Variants in AFAP1 observed in about 807,000 individuals in gnomAD.
The protein encoded by AFAP1 is actin filament associated protein 1.
Under a neutral mutation model 93.9 loss-of-function variants are expected in AFAP1, and 75 were observed. The observed-to-expected ratio is 0.80, with a 90% CI of 0.66 to 0.97. The LOEUF is 0.97. Among genes scored for constraint, AFAP1 ranks in the 50% least tolerant of loss-of-function variants. The pLI is 0.00. For synonymous variants in AFAP1, 517 were observed against 430.7 expected, an observed-to-expected ratio of 1.20 and a Z score of -2.48; for missense variants, 1,201 against 1,050.8, an observed-to-expected ratio of 1.14 and a Z score of -1.98.
chr4:7,867,406 G>A (rs1355617255), intron 3 of AFAP1, among the ~76,000 whole-genome samples: 3 of 152,156 alleles, frequency 2.0e-5, no homozygotes, highest in African/African-American at 4.8e-5. Context: ...GCGCGGGGGC[G>A]GGAAGCAGGC....
chr4:7,831,314 A>C (rs1353808541), intron 6 of AFAP1, among the ~76,000 whole-genome samples: 1 of 152,088 alleles, frequency 6.6e-6, no homozygotes, highest in Non-Finnish European at 1.5e-5. Flanking sequence ...AAATAGAGTA[A>C]CTGAACAATT....
At chr4:7,795,991 G>T (rs1361471593) in intron 10 of AFAP1, among the ~76,000 whole-genome samples, 1 of 152,092 alleles carries the variant, frequency 6.6e-6, no homozygotes, top group Non-Finnish European at 1.5e-5. Context: ...GTGCATATAT[G>T]TATGTATGCA....
chr4:7,888,799 G>C (rs1268283955), intron 1 of AFAP1, among the ~76,000 whole-genome samples: 2 of 151,828 alleles, frequency 1.3e-5, no homozygotes, highest in African/African-American at 4.8e-5. Context: ...TTTTGTTGTT[G>C]TTGTTTTTTG....
intron 8 of AFAP1, 47 bp downstream of exon 8, chr4:7,815,971 G>GTT (rs35907552): frequency 6.0e-4 from 770 of 1,276,470 alleles, no homozygotes; most frequent in South Asian, 8.5e-4. Flanking sequence ...TTTTGTTTTT[G>GTT]TTTTTTTTTT....
intron 4 of AFAP1, among the ~76,000 whole-genome samples, chr4:7,852,168 C>T (rs1001946462): frequency 2.0e-5 from 3 of 152,176 alleles, no homozygotes; most frequent in African/African-American, 7.2e-5. Flanking sequence ...TATGTTCTGA[C>T]TTGGTGGTAC....
intron 3 of AFAP1, among the ~76,000 whole-genome samples, chr4:7,865,543 C>G (rs1388422919): frequency 6.6e-6 from 1 of 152,126 alleles, no homozygotes; most frequent in South Asian, 2.1e-4. Context: ...ATTTTCCTAC[C>G]AAAGGCAGGA....
chr4:7,825,204 C>A (rs941791111), intron 6 of AFAP1, among the ~76,000 whole-genome samples: 1 of 152,104 alleles, frequency 6.6e-6, no homozygotes, highest in Non-Finnish European at 1.5e-5. Flanking sequence ...GGGTTTATTG[C>A]CCCAAAATAT....
intron 14 of AFAP1, 65 bp from the exon 15 acceptor site, chr4:7,774,968 C>G: frequency 6.4e-7 from 1 of 1,556,076 alleles, no homozygotes; most frequent in South Asian, 1.2e-5. Flanking sequence ...ATGGGACGAT[C>G]CCTTCTCCAC....
At chr4:7,778,933 G>A (rs1397287983) in intron 13 of AFAP1, 57 bp from the exon 14 acceptor site, 2 of 1,340,756 alleles carry the variant, frequency 1.5e-6, no homozygotes, top group East Asian at 2.3e-5. Flanking sequence ...AACAAATCTT[G>A]GTCTTTTTTT....
At chr4:7,799,677 G>A (rs1377567795) in intron 10 of AFAP1, among the ~76,000 whole-genome samples, 1 of 152,122 alleles carries the variant, frequency 6.6e-6, no homozygotes, top group African/African-American at 2.4e-5. Context: ...CTAAGTGGGG[G>A]AAAAGACTCA....
intron 6 of AFAP1, among the ~76,000 whole-genome samples, chr4:7,828,432 G>A (rs936676128): frequency 6.6e-6 from 1 of 152,224 alleles, no homozygotes; most frequent in Non-Finnish European, 1.5e-5. Context: ...TCTTTCAGCA[G>A]ACACAGGAAG....
chr4:7,837,012 A>C (rs1712384355), intron 6 of AFAP1, among the ~76,000 whole-genome samples: 1 of 152,226 alleles, frequency 6.6e-6, no homozygotes, highest in Non-Finnish European at 1.5e-5. Context: ...ACAGCACAAC[A>C]GACAACAGAA....
intron 1 of AFAP1, among the ~76,000 whole-genome samples, chr4:7,878,909 C>G (rs1325932121): frequency 6.6e-6 from 1 of 152,136 alleles, no homozygotes; most frequent in Non-Finnish European, 1.5e-5. Context: ...CTCCTAATGC[C>G]TCTTAGGTTA....
chr4:7,873,278 G>A (rs771156324), intron 1 of AFAP1, among the ~76,000 whole-genome samples: 2 of 146,384 alleles, frequency 1.4e-5, no homozygotes, highest in Non-Finnish European at 3.0e-5. Flanking sequence ...TTTCACTTAG[G>A]AGTGTCTTTG....
intron 17 of AFAP1, among the ~76,000 whole-genome samples, chr4:7,766,845 G>T (rs988195898): frequency 1.3e-5 from 2 of 152,174 alleles, no homozygotes; most frequent in Non-Finnish European, 2.9e-5. Flanking sequence ...AAGCCCTGGG[G>T]CACGGGATTG....
At chr4:7,876,249 G>A (rs542824291) in intron 1 of AFAP1, among the ~76,000 whole-genome samples, 1 of 152,298 alleles carries the variant, frequency 6.6e-6, no homozygotes, top group East Asian at 1.9e-4. Flanking sequence ...AGTTTGTCGT[G>A]GCCCTGGCCA....
At chr4:7,839,836 C>T (rs1473715368) in intron 5 of AFAP1, among the ~76,000 whole-genome samples, 1 of 152,208 alleles carries the variant, frequency 6.6e-6, no homozygotes, top group East Asian at 1.9e-4. Context: ...GATCTGGGTC[C>T]TAGATCTACT....
chr4:7,902,393 T>C (rs2149218058), intron 1 of AFAP1, among the ~76,000 whole-genome samples: 1 of 152,334 alleles, frequency 6.6e-6, no homozygotes. Context: ...TTATGGGTAA[T>C]TATCAGCCCA....
At chr4:7,855,399 G>T (rs1714932185) in intron 4 of AFAP1, 67 bp downstream of exon 4, 1 of 1,270,224 alleles carries the variant, frequency 7.9e-7, no homozygotes, top group Non-Finnish European at 1.1e-6. Context: ...ACCCAGAAAG[G>T]GGACAGGCTC....
Sources: allele counts gnomAD v4.1 joint callset (sites outside exome capture counted in the v4.1 genomes callset), GRCh38; gene constraint gnomAD v4.1.1; transcripts MANE v1.5; gene names NCBI Gene and HGNC (gene_info 2026-07-23, HGNC 2026-07-21).